RUFY3: variants seen among roughly 807,000 people sequenced by gnomAD.
RUFY3 encodes RUN and FYVE domain containing 3.
A neutral mutation model predicts 84.0 loss-of-function variants in RUFY3; 34 were observed. The ratio of observed to expected loss-of-function variants is 0.40; its 90% CI spans 0.31 to 0.54. The LOEUF is 0.54. RUFY3 is among the 20% of genes least tolerant of loss of function. The probability of loss-of-function intolerance (pLI) is 0.39; values close to 1 mark genes in which losing one functional copy is unlikely to be tolerated. For synonymous variants in RUFY3, 242 were observed against 252.9 expected (o/e 0.96, Z 0.41); for missense variants, 507 against 736.8 (o/e 0.69, Z 3.61).
At chr4:70,790,929 C>A (rs1161937521) in intron 12 of RUFY3, among the ~76,000 whole-genome samples, 1 of 152,052 alleles carries the variant, frequency 6.6e-6, no homozygotes, top group Non-Finnish European at 1.5e-5. Flanking sequence ...TCTTACATAG[C>A]CAAATACAAA....
At chr4:70,726,991 T>C (rs1577963756) in intron 1 of RUFY3, among the ~76,000 whole-genome samples, 1 of 149,730 alleles carries the variant, frequency 6.7e-6, no homozygotes, top group African/African-American at 2.5e-5. Context: ...CTCAGACTTT[T>C]GTTTGTTTGT....
At chr4:70,770,455 G>A (rs1301007976) in intron 5 of RUFY3, among the ~76,000 whole-genome samples, 2 of 152,182 alleles carry the variant, frequency 1.3e-5, no homozygotes, top group Non-Finnish European at 2.9e-5. Flanking sequence ...AGTGCTTGCT[G>A]CTTCAACTTG....
chr4:70,732,933 G>A (rs1180850460), intron 1 of RUFY3, among the ~76,000 whole-genome samples: 1 of 152,032 alleles, frequency 6.6e-6, no homozygotes, highest in Middle Eastern at 3.4e-3. Flanking sequence ...CAGGTGCAGT[G>A]GCGGGCGCCT....
intron 4 of RUFY3, among the ~76,000 whole-genome samples, chr4:70,767,257 G>GTTTT (rs1213309164): frequency 7.2e-5 from 5 of 68,976 alleles, no homozygotes; most frequent in South Asian, 4.6e-4. Context: ...GGCTAATTTT[G>GTTTT]TATTTTTTTT....
At chr4:70,749,415 T>G (rs1335304864) in intron 1 of RUFY3, among the ~76,000 whole-genome samples, 1 of 151,966 alleles carries the variant, frequency 6.6e-6, no homozygotes, top group Non-Finnish European at 1.5e-5. Flanking sequence ...TTTAATCTAT[T>G]AAAGATTAGA....
At position 70,715,346 on chromosome 4, in the gene RUFY3, G is replaced by A. The variant is rs1264015151; in HGVS notation, c.358+10052G>A. Among the ~76,000 whole-genome samples the A allele has an allele frequency of 3.9e-5, 6 of 152,284 alleles. No individual in the cohort carries two copies. The East Asian group carries it at 7.7e-4, about 20-fold the overall frequency. Reference sequence around the variant, plus strand: ...CCTGTAATCCCCCAGCACTTTGGGAGGCCGAGGCACGTGGATCTCTCGAGG... The same window carrying A: ...CCTGTAATCCCCCAGCACTTTGGGAAGCCGAGGCACGTGGATCTCTCGAGG... On this transcript the variant is annotated intron_variant, in intron 1 of 11. Transcript: ENST00000417478.
chr4:70,791,691 G>T, intron 12 of RUFY3: 1 of 1,009,186 alleles, frequency 9.9e-7, no homozygotes, highest in Non-Finnish European at 1.2e-6. Flanking sequence ...GTCTGTATCT[G>T]CAAGCCTGTT....
At chr4:70,708,133 A>G (rs1364653204) in intron 1 of RUFY3, among the ~76,000 whole-genome samples, 2 of 152,210 alleles carry the variant, frequency 1.3e-5, no homozygotes, top group Non-Finnish European at 2.9e-5. Context: ...TAAAAAAATA[A>G]AAATAAAATA....
At chr4:70,803,014 G>T in intron 16 of RUFY3, 31 bp downstream of exon 16, 6 of 1,583,430 alleles carry the variant, frequency 3.8e-6, no homozygotes, top group Non-Finnish European at 4.3e-6. Context: ...AAAACATCTT[G>T]TATGAATTAT....
chr4:70,779,046 A>G (rs576849785), intron 8 of RUFY3, among the ~76,000 whole-genome samples: 1 of 152,250 alleles, frequency 6.6e-6, no homozygotes, highest in Admixed American at 6.5e-5. Context: ...AGCATATAGC[A>G]TATTCATCAT....
At chr4:70,736,023 G>A (rs1720222797) in intron 1 of RUFY3, among the ~76,000 whole-genome samples, 1 of 151,926 alleles carries the variant, frequency 6.6e-6, no homozygotes, top group South Asian at 2.1e-4. Flanking sequence ...GTGCATGCCT[G>A]TGGTCCCAGC....
rs144134917 is a variant in RUFY3 at position 70,806,184 on chromosome 4, G to A, written c.1720-332G>A. Reference sequence around the variant, plus strand: ...TTTCACTGCCTTATTTGGAGTATGCGCAGGTACTTGCAAACTAATTTTAAA... The same window carrying A: ...TTTCACTGCCTTATTTGGAGTATGCACAGGTACTTGCAAACTAATTTTAAA... On this transcript the variant is annotated intron_variant, in intron 17 of 17. Transcript: ENST00000381006. Among the ~76,000 whole-genome samples, 196 of 152,320 alleles carry A rather than the reference G, an allele frequency of 1.3e-3. 1 individual carries two copies. Among genetic ancestry groups the A allele is most frequent in the African/African-American group, 4.6e-3 (191 of 41,568 alleles).
At chr4:70,749,855 G>C (rs1261406590) in intron 1 of RUFY3, among the ~76,000 whole-genome samples, 1 of 151,826 alleles carries the variant, frequency 6.6e-6, no homozygotes, top group Middle Eastern at 3.2e-3. Flanking sequence ...GTCTCACCTT[G>C]TTGCCTAGCC....
intron 1 of RUFY3, among the ~76,000 whole-genome samples, chr4:70,755,167 C>T (rs532900264): frequency 6.6e-6 from 1 of 151,964 alleles, no homozygotes; most frequent in Non-Finnish European, 1.5e-5. Context: ...ACCGCGTGAG[C>T]CACCAGCGTG....
chr4:70,715,700 C>T (rs1340961244), intron 1 of RUFY3, among the ~76,000 whole-genome samples: 1 of 151,280 alleles, frequency 6.6e-6, no homozygotes, highest in Non-Finnish European at 1.5e-5. Flanking sequence ...ATTCAGGAAG[C>T]TGCCAAACAG....
intron 7 of RUFY3, among the ~76,000 whole-genome samples, chr4:70,775,944 C>CAAAAAAAAAAAAAAA (rs11369578): frequency 3.8e-5 from 5 of 132,290 alleles, no homozygotes; most frequent in African/African-American, 6.5e-5. Context: ...CTGTCTTAAA[C>CAAAAAAAAAAAAAAA]AAAAAAAAAA....
rs148499457 is a variant in RUFY3, at chr4:70,797,046, T to C, written c.1557+2152T>C. ...GCCTCGATTTCCCAGGCTCAGGTGA[T>C]CCTCCTGCCTCAGCCTCCTGAGTAG... On this transcript the variant is annotated intron_variant, in intron 14 of 17. Transcript: ENST00000381006. 1.2e-3 allele frequency among the ~76,000 whole-genome samples: 175 copies of C among 151,894 alleles called. 1 individual carries two copies. Among genetic ancestry groups the C allele is most frequent in the African/African-American group, 4.0e-3 (167 of 41,404 alleles).
chr4:70,712,643 G>C (rs1741117549), intron 1 of RUFY3, among the ~76,000 whole-genome samples: 1 of 152,118 alleles, frequency 6.6e-6, no homozygotes, highest in African/African-American at 2.4e-5. Flanking sequence ...TCTAGTATGG[G>C]CTATAGATAG....
At chr4:70,739,670 GGATA>G (rs1720980521) in intron 1 of RUFY3, among the ~76,000 whole-genome samples, 1 of 152,076 alleles carries the variant, frequency 6.6e-6, no homozygotes, top group African/African-American at 2.4e-5. Flanking sequence ...TCACAACCAT[GGATA>G]CATAAACAAA....
Sources: allele counts gnomAD v4.1 joint callset (sites outside exome capture counted in the v4.1 genomes callset), GRCh38; gene constraint gnomAD v4.1.1; transcripts MANE v1.5; gene names NCBI Gene and HGNC (gene_info 2026-07-23, HGNC 2026-07-21).